The following SND1 variants were observed in gnomAD, a reference collection of about 807,000 sequenced individuals.
SND1 encodes staphylococcal nuclease domain-containing protein 1.
In SND1, 38 loss-of-function variants were observed where a neutral mutation model predicts 121.7. The ratio of observed to expected loss-of-function variants is 0.31; its 90% confidence interval spans 0.24 to 0.41. The LOEUF is 0.41. Among genes scored for constraint, SND1 ranks in the 10% least tolerant of loss-of-function variants. The pLI is 1.00. For synonymous variants in SND1, 401 were observed against 447.4 expected, an observed-to-expected ratio of 0.90 and a Z score of 1.31; for missense variants, 868 against 1,184.6, an observed-to-expected ratio of 0.73 and a Z score of 3.92.
chr7:127,917,102 A>G lies in SND1; in HGVS notation c.1528-12086A>G, dbSNP rs116034827. Among the ~76,000 whole-genome samples, 659 of 152,338 alleles carry G rather than the reference A, an allele frequency of 4.3e-3. 7 individuals are homozygous for G. Among genetic ancestry groups the G allele is most frequent in the African/African-American group, 0.015 (634 of 41,566 alleles). On this transcript the variant is annotated intron_variant, in intron 14 of 23. Transcript: ENST00000354725. ...CTATCTCAATTCTCTGCCATCACTT[A>G]CGCACTCTGTGGTACATCATTTTCC...
intron 15 of SND1, among the ~76,000 whole-genome samples, chr7:127,969,083 A>G (rs1801919134): frequency 6.6e-6 from 1 of 152,132 alleles, no homozygotes; most frequent in South Asian, 2.1e-4. Context: ...CTAGTCCACT[A>G]CCTAGTAACT....
intron 13 of SND1, among the ~76,000 whole-genome samples, chr7:127,895,512 G>A (rs995058848): frequency 2.0e-5 from 3 of 152,046 alleles, no homozygotes; most frequent in African/African-American, 7.2e-5. Flanking sequence ...ACATTTTGGG[G>A]TTGCAGTTAA....
chr7:127,946,454 G>C (rs1190623447), intron 15 of SND1, among the ~76,000 whole-genome samples: 3 of 152,186 alleles, frequency 2.0e-5, no homozygotes. Context: ...CCTAGTCCTG[G>C]TGATACTTAA....
intron 10 of SND1, among the ~76,000 whole-genome samples, chr7:127,724,385 G>A (rs1157261936): frequency 1.3e-5 from 2 of 152,164 alleles, no homozygotes; most frequent in African/African-American, 2.4e-5. Flanking sequence ...TGAGTTTTGG[G>A]GACTAGAGAA....
intron 10 of SND1, among the ~76,000 whole-genome samples, chr7:127,800,337 A>G (rs568218210): frequency 2.0e-5 from 3 of 152,340 alleles, no homozygotes; most frequent in African/African-American, 7.2e-5. Flanking sequence ...ATTAATTCAT[A>G]TATTATTGTT....
intron 16 of SND1, among the ~76,000 whole-genome samples, chr7:128,018,094 A>G (rs1803265837): frequency 1.3e-5 from 2 of 152,152 alleles, no homozygotes; most frequent in African/African-American, 4.8e-5. Context: ...ATCACACCTC[A>G]CTGCAGCTTT....
intron 1 of SND1, among the ~76,000 whole-genome samples, chr7:127,666,482 A>C (rs1024080138): frequency 4.6e-5 from 7 of 152,208 alleles, no homozygotes; most frequent in Admixed American, 1.3e-4. Flanking sequence ...GGCTAAGCAT[A>C]CAGTAAAGGT....
intron 10 of SND1, among the ~76,000 whole-genome samples, chr7:127,791,718 G>A (rs1797912766): frequency 6.6e-6 from 1 of 152,054 alleles, no homozygotes; most frequent in Non-Finnish European, 1.5e-5. Flanking sequence ...CAGAAACATT[G>A]CATGATAAAA....
intron 10 of SND1, among the ~76,000 whole-genome samples, chr7:127,805,146 A>G (rs1563019668): frequency 6.6e-6 from 1 of 152,210 alleles, no homozygotes; most frequent in South Asian, 2.1e-4. Context: ...ATAATCCTGT[A>G]CATCTGTCCC....
chr7:127,876,079 C>T (rs766635332), intron 12 of SND1, among the ~76,000 whole-genome samples: 1 of 152,256 alleles, frequency 6.6e-6, no homozygotes, highest in South Asian at 2.1e-4. Flanking sequence ...TAGGCTTCCT[C>T]CTCTCCCCTA....
At chr7:127,815,271 A>G (rs1798414461) in intron 11 of SND1, among the ~76,000 whole-genome samples, 1 of 152,184 alleles carries the variant, frequency 6.6e-6, no homozygotes, top group Admixed American at 6.5e-5. Context: ...TAGTTAAGGT[A>G]AAATTAAGTG....
intron 4 of SND1, among the ~76,000 whole-genome samples, chr7:127,699,675 T>C (rs886878636): frequency 1.3e-5 from 2 of 152,216 alleles, no homozygotes; most frequent in Non-Finnish European, 2.9e-5. Flanking sequence ...TTCACTAGTG[T>C]TGGCTGTCAG....
chr7:127,858,714 C>A (rs1799327945), intron 12 of SND1, among the ~76,000 whole-genome samples: 1 of 152,156 alleles, frequency 6.6e-6, no homozygotes, highest in Non-Finnish European at 1.5e-5. Flanking sequence ...ACGTCTTTTT[C>A]CTTTCTGACC....
chr7:128,087,232 G>A (rs1316081284), intron 21 of SND1, among the ~76,000 whole-genome samples, 181 bp downstream of exon 21: 1 of 152,218 alleles, frequency 6.6e-6, no homozygotes, highest in Non-Finnish European at 1.5e-5. Flanking sequence ...ATTCCAGCTA[G>A]TTCATAGAAG....
intron 15 of SND1, among the ~76,000 whole-genome samples, chr7:127,983,965 T>C (rs1424147301): frequency 6.6e-6 from 1 of 152,206 alleles, no homozygotes; most frequent in Admixed American, 6.5e-5. Context: ...TCTCCCTCCT[T>C]TCTTGTGTTT....
intron 10 of SND1, among the ~76,000 whole-genome samples, chr7:127,774,664 G>A (rs979026578): frequency 2.0e-5 from 3 of 150,756 alleles, no homozygotes; most frequent in East Asian, 3.9e-4. Context: ...CTGCAACCTC[G>A]GCCTCCTGGG....
At chr7:128,005,747 G>A (rs1420597926) in intron 16 of SND1, among the ~76,000 whole-genome samples, 1 of 152,166 alleles carries the variant, frequency 6.6e-6, no homozygotes, top group Non-Finnish European at 1.5e-5. Context: ...TACTGAACAG[G>A]AAAACTGCTG....
chr7:127,678,760 A>C (rs1362142039), intron 1 of SND1, among the ~76,000 whole-genome samples: 1 of 152,182 alleles, frequency 6.6e-6, no homozygotes, highest in African/African-American at 2.4e-5. Flanking sequence ...GACTGCCAGG[A>C]AGCTTTTTCC....
chr7:127,939,056 T>C (rs1345336036), intron 15 of SND1, among the ~76,000 whole-genome samples: 1 of 152,176 alleles, frequency 6.6e-6, no homozygotes, highest in African/African-American at 2.4e-5. Flanking sequence ...TTAAATACTA[T>C]ACAAATGAGA....
Sources: allele counts gnomAD v4.1 joint callset (sites outside exome capture counted in the v4.1 genomes callset), GRCh38; gene constraint gnomAD v4.1.1; transcripts MANE v1.5; gene names NCBI Gene and HGNC (gene_info 2026-07-23, HGNC 2026-07-21).